The following IL17B variants were observed in gnomAD, a reference collection of about 807,000 sequenced individuals.
IL17B encodes the protein interleukin-17B.
A neutral mutation model predicts 14.7 loss-of-function variants in IL17B; 14 were observed. The ratio of observed to expected loss-of-function variants is 0.95; its 90% CI spans 0.63 to 1.49. IL17B has a LOEUF of 1.49. Ranked by LOEUF, IL17B falls within the 40% of genes most tolerant of loss-of-function variation. The pLI is 0.00. For missense variants in IL17B, 233 were observed against 252.8 expected, an observed-to-expected ratio of 0.92 and a Z score of 0.53; for synonymous variants, 105 against 94.8, an observed-to-expected ratio of 1.11 and a Z score of -0.62.
intron 1 of IL17B, 94 bp from the exon 2 acceptor site, chr5:149,377,119 G>T (rs893401328): frequency 2.9e-5 from 31 of 1,069,548 alleles, no homozygotes; most frequent in Non-Finnish European, 4.0e-5. Context: ...TGCTCTTAGG[G>T]GTCTCCCAGG....
At chr5:149,395,377 T>C (rs1234445519) in intron 1 of IL17B, among the ~76,000 whole-genome samples, 1 of 152,188 alleles carries the variant, frequency 6.6e-6, no homozygotes, top group East Asian at 1.9e-4. Flanking sequence ...ATATTCCAAA[T>C]TTTCCCATCT....
chr5:149,397,538 G>A (rs927938090), intron 1 of IL17B, among the ~76,000 whole-genome samples: 4 of 152,048 alleles, frequency 2.6e-5, no homozygotes, highest in African/African-American at 9.7e-5. Context: ...TTTTGCGAGG[G>A]AACAATTTCA....
intron 1 of IL17B, among the ~76,000 whole-genome samples, chr5:149,384,644 T>C (rs1456194600): frequency 6.6e-6 from 1 of 152,134 alleles, no homozygotes; most frequent in African/African-American, 2.4e-5. Context: ...CAAGATTATA[T>C]GTGGCAAGTG....
Position 149,376,762 on chromosome 5 carries a change from C to T in IL17B, c.285G>A (p.Lys95=). 6.2e-7 allele frequency: 1 copy of T among 1,612,124 alleles called. No individual in the cohort carries two copies. Among genetic ancestry groups the T allele is most frequent in the African/African-American group, 1.3e-5 (1 of 75,040 alleles). ...EVNLQLWMSN[K]RSLSPWGYSI... is the part of the protein sequence containing the mutation. Reference sequence around the variant, plus strand: ...TGTAGCCCCAGGGAGACAGGCTCCTCTTGTTGGACATCCACAGCTGCAAGT... The same window carrying T: ...TGTAGCCCCAGGGAGACAGGCTCCTTTTGTTGGACATCCACAGCTGCAAGT... Residue 95 remains lysine (K), a synonymous_variant, in exon 2 of 3, where the codon AAG becomes AAA. Transcript: ENST00000261796.
upstream of IL17B, among the ~76,000 whole-genome samples, chr5:149,383,294 C>T (rs1581388985): frequency 6.6e-6 from 1 of 152,336 alleles, no homozygotes; most frequent in Admixed American, 6.5e-5. Flanking sequence ...GCTTCTAGTA[C>T]GTTCCTGGGT....
At chr5:149,400,187 G>A (rs1028106172) in intron 1 of IL17B, among the ~76,000 whole-genome samples, 5 of 152,034 alleles carry the variant, frequency 3.3e-5, no homozygotes, top group African/African-American at 1.2e-4. Flanking sequence ...ATTAGGGTGG[G>A]CCCCTAATCC....
chr5:149,390,630 C>CACACACACACACACAGAGAGAGAG (rs1491235916), intron 1 of IL17B, among the ~76,000 whole-genome samples: 2 of 132,000 alleles, frequency 1.5e-5, no homozygotes, highest in African/African-American at 5.8e-5. Flanking sequence ...CACACACACA[C>CACACACACACACACAGAGAGAGAG]AGAGATACAC....
At chr5:149,397,428 C>CA (rs1277841739) in intron 1 of IL17B, among the ~76,000 whole-genome samples, 1 of 152,166 alleles carries the variant, frequency 6.6e-6, no homozygotes, top group Non-Finnish European at 1.5e-5. Context: ...CTTGGCCTCC[C>CA]AAAATGGTAG....
chr5:149,390,465 C>A (rs1325405078), intron 1 of IL17B, among the ~76,000 whole-genome samples: 1 of 151,290 alleles, frequency 6.6e-6, no homozygotes. Flanking sequence ...AGTGACACCC[C>A]CCTCCTCATT....
At chr5:149,392,092 G>A (rs1487233353) in intron 1 of IL17B, among the ~76,000 whole-genome samples, 1 of 152,208 alleles carries the variant, frequency 6.6e-6, no homozygotes, top group African/African-American at 2.4e-5. Flanking sequence ...AGGGAGGTGG[G>A]TAACGGGATA....
intron 1 of IL17B, among the ~76,000 whole-genome samples, chr5:149,399,337 G>T (rs769601664): frequency 1.3e-5 from 2 of 152,166 alleles, no homozygotes; most frequent in South Asian, 4.1e-4. Context: ...TGGCCTCCTG[G>T]TTCAGTTCCC....
chr5:149,382,671 G>T (rs1285330766), upstream of IL17B, among the ~76,000 whole-genome samples: 1 of 152,234 alleles, frequency 6.6e-6, no homozygotes, highest in African/African-American at 2.4e-5. Context: ...GTAAGGAGAG[G>T]GGCGGCAGCC....
chr5:149,400,505 G>A (rs779894018), intron 1 of IL17B, among the ~76,000 whole-genome samples: 1 of 152,198 alleles, frequency 6.6e-6, no homozygotes, highest in African/African-American at 2.4e-5. Flanking sequence ...ACAACCGGTC[G>A]CTGGCTTTGT....
intron 1 of IL17B, among the ~76,000 whole-genome samples, chr5:149,397,716 T>C (rs997329585): frequency 6.6e-6 from 1 of 152,148 alleles, no homozygotes; most frequent in African/African-American, 2.4e-5. Context: ...ATGATTACAG[T>C]GGCTGAGAAG....
chr5:149,390,587 G>GCACACACACACACACA (rs56268721), intron 1 of IL17B, among the ~76,000 whole-genome samples: 16 of 114,940 alleles, frequency 1.4e-4, no homozygotes, highest in African/African-American at 5.3e-4. Context: ...CCCTGAGTTA[G>GCACACACACACACACA]CACACACACA....
At chr5:149,388,102 T>G (rs1260528644) in intron 1 of IL17B, among the ~76,000 whole-genome samples, 1 of 152,188 alleles carries the variant, frequency 6.6e-6, no homozygotes, top group Admixed American at 6.5e-5. Context: ...CAGCTGTGCT[T>G]TATGGACAAA....
intron 1 of IL17B, among the ~76,000 whole-genome samples, chr5:149,392,146 C>T (rs1301309178): frequency 6.6e-6 from 1 of 152,218 alleles, no homozygotes; most frequent in Non-Finnish European, 1.5e-5. Flanking sequence ...GACTTTGATC[C>T]AACAATCGCT....
intron 1 of IL17B, among the ~76,000 whole-genome samples, chr5:149,401,242 C>G (rs561849304): frequency 3.3e-4 from 51 of 152,326 alleles, no homozygotes; most frequent in Admixed American, 1.7e-3. Flanking sequence ...TGTAGTAAAT[C>G]CCTTTCTGCT....
chr5:149,395,195 T>C (rs1759067087), intron 1 of IL17B, among the ~76,000 whole-genome samples: 1 of 152,160 alleles, frequency 6.6e-6, no homozygotes, highest in Admixed American at 6.5e-5. Flanking sequence ...GGACATGATC[T>C]CTCTCTTTTT....
Sources: gnomAD v4.1 joint callset for allele counts (sites outside exome capture counted in the v4.1 genomes callset) on GRCh38, gnomAD v4.1.1 for gene constraint, MANE v1.5 for transcripts, NCBI Gene and HGNC (gene_info 2026-07-23, HGNC 2026-07-21) for gene names.